The following REDIC1 variants were observed in gnomAD, a reference collection of about 807,000 sequenced individuals.
REDIC1 encodes the protein regulator of DNA class I crossover intermediates 1.
chr12:39,794,957 G>T, the REDIC1 span, among the ~76,000 whole-genome samples: 1 of 152,054 alleles, frequency 6.6e-6, no homozygotes, highest in Non-Finnish European at 1.5e-5. Context: ...TGTTTTTTAA[G>T]ATTTTCTCCT....
the REDIC1 span, among the ~76,000 whole-genome samples, chr12:39,649,732 C>G: frequency 2.0e-5 from 3 of 151,864 alleles, no homozygotes; most frequent in Non-Finnish European, 4.4e-5. Flanking sequence ...TTATAGGGTA[C>G]TTTCCACATT....
At chr12:39,760,557 A>G in the REDIC1 span, among the ~76,000 whole-genome samples, 2 of 152,038 alleles carry the variant, frequency 1.3e-5, no homozygotes, top group African/African-American at 4.8e-5. Context: ...TCCATGTGCT[A>G]TCACAGCATG....
the REDIC1 span, among the ~76,000 whole-genome samples, chr12:39,900,102 T>C: frequency 1.3e-5 from 2 of 152,108 alleles, no homozygotes; most frequent in Non-Finnish European, 2.9e-5. Flanking sequence ...CATGATTATC[T>C]CAATAGAGGC....
chr12:39,626,612 C>T, the REDIC1 span, among the ~76,000 whole-genome samples: 1 of 152,210 alleles, frequency 6.6e-6, no homozygotes, highest in African/African-American at 2.4e-5. Context: ...ACCTTCCCTG[C>T]TGCCCCTCCT....
chr12:39,874,032 T>C, the REDIC1 span, among the ~76,000 whole-genome samples: 1 of 152,216 alleles, frequency 6.6e-6, no homozygotes, highest in Non-Finnish European at 1.5e-5. Flanking sequence ...AGCTCATAGT[T>C]TAATTTAAAA....
At chr12:39,664,562 A>G in the REDIC1 span, among the ~76,000 whole-genome samples, 1 of 152,206 alleles carries the variant, frequency 6.6e-6, no homozygotes, top group African/African-American at 2.4e-5. Context: ...TTATAGCAGC[A>G]TGATTTATAA....
the REDIC1 span, among the ~76,000 whole-genome samples, chr12:39,772,185 G>A: frequency 1.3e-5 from 2 of 152,062 alleles, no homozygotes; most frequent in East Asian, 3.9e-4. Context: ...ATGGCACAAG[G>A]GTCAAGAGCA....
the REDIC1 span, among the ~76,000 whole-genome samples, chr12:39,766,421 A>G: frequency 6.6e-6 from 1 of 152,092 alleles, no homozygotes; most frequent in Non-Finnish European, 1.5e-5. Flanking sequence ...AAAAAATGCT[A>G]ACGATCATCT....
the REDIC1 span, among the ~76,000 whole-genome samples, chr12:39,700,212 T>C: frequency 6.6e-6 from 1 of 151,938 alleles, no homozygotes; most frequent in Non-Finnish European, 1.5e-5. Flanking sequence ...GAAGAATGTA[T>C]AACTAGAATA....
chr12:39,652,028 CAG>C, the REDIC1 span, among the ~76,000 whole-genome samples: 1 of 152,068 alleles, frequency 6.6e-6, no homozygotes, highest in African/African-American at 2.4e-5. Context: ...CTCTTTCACT[CAG>C]TGTAATTATT....
At chr12:39,711,544 T>TGC in the REDIC1 span, among the ~76,000 whole-genome samples, 1 of 92,394 alleles carries the variant, frequency 1.1e-5, no homozygotes, top group African/African-American at 3.9e-5. Flanking sequence ...TACATATATG[T>TGC]ATGTGCATAC....
At chr12:39,838,352 G>T in the REDIC1 span, among the ~76,000 whole-genome samples, 2 of 102,028 alleles carry the variant, frequency 2.0e-5, no homozygotes, top group East Asian at 3.4e-4. Flanking sequence ...GGGGTGGGGG[G>T]AGGGGGGAGG....
chr12:39,828,207 C>T, the REDIC1 span, among the ~76,000 whole-genome samples: 1 of 152,120 alleles, frequency 6.6e-6, no homozygotes, highest in Non-Finnish European at 1.5e-5. Context: ...AGCAGTGGTC[C>T]ACCTAGAAGG....
chr12:39,900,578 C>G, the REDIC1 span, among the ~76,000 whole-genome samples: 1 of 152,106 alleles, frequency 6.6e-6, no homozygotes, highest in South Asian at 2.1e-4. Flanking sequence ...TGAGTGAACT[C>G]CTATTCACAA....
chr12:39,798,959 A>G, the REDIC1 span, among the ~76,000 whole-genome samples: 497 of 151,918 alleles, frequency 3.3e-3, 2 homozygotes, highest in African/African-American at 0.011. Context: ...TCCAAAATAA[A>G]TTAGAGTAAC....
chr12:39,807,132 T>C, the REDIC1 span, among the ~76,000 whole-genome samples: 1 of 148,722 alleles, frequency 6.7e-6, no homozygotes, highest in Non-Finnish European at 1.5e-5. Context: ...TTTTCGCCAC[T>C]GAAAGTAATT....
the REDIC1 span, among the ~76,000 whole-genome samples, chr12:39,856,017 G>T: frequency 6.6e-6 from 1 of 152,112 alleles, no homozygotes; most frequent in Non-Finnish European, 1.5e-5. Flanking sequence ...GCCCATAGAA[G>T]GTATTGCTAA....
At chr12:39,696,105 C>T in the REDIC1 span, among the ~76,000 whole-genome samples, 3 of 152,030 alleles carry the variant, frequency 2.0e-5, no homozygotes, top group Non-Finnish European at 4.4e-5. Context: ...TTTTTGTATT[C>T]CTGGAAAGCA....
chr12:39,856,526 G>T, the REDIC1 span, among the ~76,000 whole-genome samples: 1 of 152,020 alleles, frequency 6.6e-6, no homozygotes, highest in Admixed American at 6.5e-5. Flanking sequence ...ATGCCACCAT[G>T]CCCAGCTAAT....
Sources: allele counts gnomAD v4.1 joint callset (sites outside exome capture counted in the v4.1 genomes callset), GRCh38; gene constraint gnomAD v4.1.1; transcripts MANE v1.5; gene names NCBI Gene and HGNC (gene_info 2026-07-23, HGNC 2026-07-21).